Variants in RNF150 observed in about 807,000 individuals in gnomAD.
RNF150 encodes the protein ring finger protein 150.
A neutral mutation model predicts 39.3 loss-of-function variants in RNF150; 24 were observed. That is an observed-to-expected ratio of 0.61 (90% CI 0.44 to 0.86). The LOEUF (loss-of-function observed/expected upper bound fraction) is 0.86, where lower values mean the gene tolerates loss of function less well. Ranked by LOEUF, RNF150 falls within the 40% of genes least tolerant of loss-of-function variation. The pLI is 0.00. For missense variants in RNF150, 502 were observed against 587.8 expected (o/e 0.85, Z 1.51); for synonymous variants, 255 against 227.3 (o/e 1.12, Z -1.10).
chr4:140,935,015 A>G (rs1279519536), intron 4 of RNF150, among the ~76,000 whole-genome samples: 4 of 74,030 alleles, frequency 5.4e-5, no homozygotes, highest in African/African-American at 2.5e-4. Flanking sequence ...ATAAATATAT[A>G]TATATTATAT....
intron 1 of RNF150, among the ~76,000 whole-genome samples, chr4:140,983,152 G>A (rs1022604397): frequency 2.0e-5 from 3 of 152,066 alleles, no homozygotes; most frequent in East Asian, 1.9e-4. Flanking sequence ...ACCATTAAGC[G>A]GCCAATGTTC....
In RNF150 at chr4:140,934,960, G is replaced by A. The variant is rs114272820; in HGVS notation, c.891-8887C>T. 9.6e-3 allele frequency among the ~76,000 whole-genome samples: 1,378 copies of A among 143,376 alleles called. 22 individuals carry two copies. Among genetic ancestry groups the A allele is most frequent in the African/African-American group, 0.032 (1,234 of 38,734 alleles). 94.1% of individuals were successfully genotyped at this position (143,376 alleles called of 152,430 possible). ...TATATGCAAAAGTGCTTTGTGAAGAGTAGAGTGCTTTTGAAAGTTAAAGTG... is the reference window on the plus strand; with the variant it reads ...TATATGCAAAAGTGCTTTGTGAAGAATAGAGTGCTTTTGAAAGTTAAAGTG... On this transcript the variant is annotated intron_variant, in intron 4 of 6. Coordinates refer to ENST00000515673, the MANE Select transcript of RNF150 (RefSeq NM_020724.2).
chr4:140,910,944 GCACA>G, intron 6 of RNF150, 196 bp downstream of exon 6: 1 of 601,878 alleles, frequency 1.7e-6, no homozygotes, highest in Admixed American at 3.0e-5. Context: ...AGGAGCATGG[GCACA>G]CAGAGCCAGG....
At chr4:141,178,265 T>C (rs1198115914) in intron 1 of RNF150, among the ~76,000 whole-genome samples, 1 of 151,778 alleles carries the variant, frequency 6.6e-6, no homozygotes, top group African/African-American at 2.4e-5. Context: ...TGTGTGTGCG[T>C]GCGCATGCAC....
upstream of RNF150, among the ~76,000 whole-genome samples, chr4:141,136,548 T>C (rs951656080): frequency 1.3e-5 from 2 of 152,214 alleles, no homozygotes; most frequent in Non-Finnish European, 2.9e-5. Flanking sequence ...CTTGAACAAC[T>C]GACAAGTGGT....
chr4:141,150,511 C>T (rs1464579314), intron 1 of RNF150, among the ~76,000 whole-genome samples: 1 of 152,200 alleles, frequency 6.6e-6, no homozygotes, highest in Non-Finnish European at 1.5e-5. Context: ...AGCTGCCAAG[C>T]AATCATGATA....
intron 1 of RNF150, among the ~76,000 whole-genome samples, chr4:141,163,643 T>G (rs993023819): frequency 3.3e-5 from 5 of 152,242 alleles, no homozygotes; most frequent in African/African-American, 1.2e-4. Flanking sequence ...CAGCCACTGC[T>G]GCTGATACCC....
intron 1 of RNF150, among the ~76,000 whole-genome samples, chr4:141,070,706 G>GCT (rs1737660809): frequency 8.5e-6 from 1 of 117,630 alleles, no homozygotes. Flanking sequence ...CAGCTAGAAT[G>GCT]GCAATCATTA....
intron 1 of RNF150, among the ~76,000 whole-genome samples, chr4:141,190,885 A>T (rs2111201900): frequency 6.6e-6 from 1 of 152,304 alleles, no homozygotes; most frequent in Admixed American, 6.5e-5. Flanking sequence ...TAATTAATAG[A>T]GTGAAAAGTT....
chr4:141,029,865 T>C (rs1361563729), intron 1 of RNF150, among the ~76,000 whole-genome samples: 2 of 152,150 alleles, frequency 1.3e-5, no homozygotes, highest in African/African-American at 4.8e-5. Flanking sequence ...ATGACTTAAA[T>C]AGACATTTCT....
chr4:141,183,385 G>A (rs1316952686), intron 1 of RNF150, among the ~76,000 whole-genome samples: 2 of 152,172 alleles, frequency 1.3e-5, no homozygotes, highest in African/African-American at 2.4e-5. Context: ...TCCCTTGAAT[G>A]AGAGAAAAAC....
chr4:141,162,740 G>C lies in RNF150; in HGVS notation c.-6+50054C>G, dbSNP rs539379274. ...ATTTCCTAGCCAAGGAAAAGCATGAGGGACTGTGCCATGAGGAACAGTGCT... is the reference window on the plus strand; with the variant it reads ...ATTTCCTAGCCAAGGAAAAGCATGACGGACTGTGCCATGAGGAACAGTGCT... On this transcript the variant is annotated intron_variant, in intron 1 of 7. Coordinates refer to the RNF150 transcript ENST00000420921. Among the ~76,000 whole-genome samples the C allele has an allele frequency of 4.6e-5, 7 of 152,240 alleles. No individual in the cohort carries two copies. In the East Asian group the frequency reaches 9.7e-4, roughly 21 times the overall value.
intron 1 of RNF150, among the ~76,000 whole-genome samples, chr4:141,200,375 G>A (rs1166266987): frequency 6.6e-6 from 1 of 151,664 alleles, no homozygotes; most frequent in African/African-American, 2.4e-5. Context: ...CTATCACATC[G>A]GGATACAGAC....
intron 1 of RNF150, among the ~76,000 whole-genome samples, chr4:141,154,727 G>A (rs73849852): frequency 0.039 from 6,002 of 152,208 alleles, 412 homozygotes; most frequent in African/African-American, 0.14. Context: ...TAAAGAAATC[G>A]TATCATGAGA....
rs770587277 is a variant in RNF150, at chr4:140,911,458, A to G, written c.988-104T>C. 4 of 902,098 alleles carry G rather than the reference A, an allele frequency of 4.4e-6. No homozygotes were observed. In the African/African-American group the frequency reaches 5.1e-5, roughly 11 times the overall value. 55.9% of individuals were successfully genotyped at this position (902,098 alleles called of 1,614,324 possible). A position where few individuals can be genotyped will look rare whatever the true frequency, so the allele number is the denominator to read the frequency against. ...TCTCCATGAAAAAATTAAGTTCTTT[A>G]TTGTTTACTTCTTGAGCCACTTTAT... On this transcript the variant is annotated intron_variant, in intron 5 of 6. Transcript: ENST00000515673.
intron 1 of RNF150, among the ~76,000 whole-genome samples, chr4:140,991,487 T>C (rs758367543): frequency 5.9e-5 from 9 of 152,164 alleles, no homozygotes. Flanking sequence ...ATTTGGGTTT[T>C]AGATTTAAGT....
intron 6 of RNF150, 48 bp from the exon 7 acceptor site, chr4:140,868,427 G>T (rs1426852758): frequency 2.0e-6 from 2 of 996,964 alleles, no homozygotes; most frequent in Non-Finnish European, 3.2e-6. Flanking sequence ...CTATGTCTTT[G>T]CATGCTGCTT....
chr4:141,204,983 T>C (rs1418576335), intron 1 of RNF150, among the ~76,000 whole-genome samples: 1 of 152,204 alleles, frequency 6.6e-6, no homozygotes, highest in Non-Finnish European at 1.5e-5. Context: ...TTGAGGTCTT[T>C]TTCTGAGCAT....
chr4:140,976,946 T>G (rs1022740417), intron 1 of RNF150, among the ~76,000 whole-genome samples: 2 of 152,020 alleles, frequency 1.3e-5, no homozygotes, highest in Non-Finnish European at 2.9e-5. Flanking sequence ...TCACTCCCCC[T>G]TTGTCCAAAT....
Sources: allele counts gnomAD v4.1 joint callset (sites outside exome capture counted in the v4.1 genomes callset), GRCh38; gene constraint gnomAD v4.1.1; transcripts MANE v1.5; gene names NCBI Gene and HGNC (gene_info 2026-07-23, HGNC 2026-07-21).